The following LRIF1 variants were observed in gnomAD, a reference collection of about 807,000 sequenced individuals.
LRIF1 encodes ligand dependent nuclear receptor interacting factor 1.
LRIF1 carries 32 observed loss-of-function variants against 52.7 expected under a neutral mutation model. The observed-to-expected ratio is 0.61, with a 90% CI of 0.46 to 0.82. The LOEUF (loss-of-function observed/expected upper bound fraction) is 0.82, where lower values mean the gene tolerates loss of function less well. LRIF1 is among the 40% of genes least tolerant of loss of function. LRIF1 has a pLI of 0.00. For synonymous variants in LRIF1, 323 were observed against 317.4 expected (o/e 1.02, Z -0.19); for missense variants, 887 against 892.0 (o/e 0.99, Z 0.07).
the LRIF1 span, among the ~76,000 whole-genome samples, chr1:110,888,480 C>T: frequency 2.0e-5 from 3 of 152,168 alleles, no homozygotes; most frequent in Non-Finnish European, 2.9e-5. Flanking sequence ...CTCATGGGTC[C>T]GTGCCCTTCA....
At chr1:110,909,913 CT>C in the LRIF1 span, among the ~76,000 whole-genome samples, 1 of 151,980 alleles carries the variant, frequency 6.6e-6, no homozygotes, top group Non-Finnish European at 1.5e-5. Flanking sequence ...ACAAAACAGA[CT>C]TTAAACCAAC....
At chr1:110,892,279 G>A in the LRIF1 span, 65 of 1,077,540 alleles carry the variant, frequency 6.0e-5, 1 homozygote, top group East Asian at 1.5e-3. Flanking sequence ...TCAAGGAAGT[G>A]AGAATATGAG....
At chr1:110,912,775 G>A in the LRIF1 span, among the ~76,000 whole-genome samples, 4 of 152,098 alleles carry the variant, frequency 2.6e-5, no homozygotes, top group Non-Finnish European at 1.5e-5. Flanking sequence ...TTGTAGATTA[G>A]TGCTATTTCT....
At chr1:110,881,614 G>A in the LRIF1 span, among the ~76,000 whole-genome samples, 1 of 152,126 alleles carries the variant, frequency 6.6e-6, no homozygotes, top group South Asian at 2.1e-4. Context: ...TTTCTCTTGG[G>A]TAAATACCTA....
chr1:110,951,860 G>A lies in LRIF1; in HGVS notation c.1024C>T (p.Pro342Ser), dbSNP rs1196528592. The change falls in exon 2 of 4, where the codon CCT becomes TCT. Residue 342 changes from proline to serine, a missense_variant. Pro to Ser is a moderately conservative substitution (Grantham distance 74). Transcript: ENST00000369763. The stretch of plus-strand genomic sequence containing the variant: ...ATATTTTTGGATCGCGTCCCACTAG[G>A]ATCGATGGTACTCAATGGTGGCATA... ...INMPPLSTIDPSGTRSKNMPI... is the reference protein window; with the variant it reads ...INMPPLSTIDSSGTRSKNMPI... The A allele has an allele frequency of 1.9e-6, 3 of 1,613,388 alleles. No individual in the cohort carries two copies. The highest frequency in any genetic ancestry group is 2.2e-5 in the East Asian group (1 of 44,884).
the LRIF1 span, among the ~76,000 whole-genome samples, chr1:110,883,551 T>C: frequency 2.0e-5 from 3 of 152,008 alleles, no homozygotes; most frequent in South Asian, 6.2e-4. Flanking sequence ...CTGAAAAGTC[T>C]GGCCTCACAG....
chr1:110,961,602 G>T (rs1658949091), intron 1 of LRIF1, among the ~76,000 whole-genome samples: 1 of 152,004 alleles, frequency 6.6e-6, no homozygotes, highest in Non-Finnish European at 1.5e-5. Context: ...ATACAATTCT[G>T]TATTATGCTA....
At chr1:110,917,236 A>G in the LRIF1 span, among the ~76,000 whole-genome samples, 11 of 152,324 alleles carry the variant, frequency 7.2e-5, no homozygotes, top group African/African-American at 2.6e-4. Context: ...GTGTGTCCTC[A>G]TAGATTCCAA....
At chr1:110,934,792 G>A in the LRIF1 span, among the ~76,000 whole-genome samples, 4,286 of 152,248 alleles carry the variant, frequency 0.028, 193 homozygotes, top group African/African-American at 0.097. Flanking sequence ...GGAAGGAGGC[G>A]GGCCTGGCTG....
In LRIF1 at chr1:110,963,909, T is replaced by A. The variant is rs1659075976; in HGVS notation, c.-221A>T. The A allele has an allele frequency of 1.2e-5, 5 of 425,282 alleles. No individual in the cohort carries two copies. The South Asian group carries it at 1.5e-4, about 13-fold the overall frequency. 26.3% of individuals were successfully genotyped at this position (425,282 alleles called of 1,614,324 possible). On this transcript the variant is annotated 5_prime_UTR_variant, in exon 1 of 4. Transcript: ENST00000369763. ...CACCGCGCAGAAACCGGAAGGCTCCTGGCGGTGGACTGCGCCCTCACAGCC... is the reference window on the plus strand; with the variant it reads ...CACCGCGCAGAAACCGGAAGGCTCCAGGCGGTGGACTGCGCCCTCACAGCC...
At chr1:110,892,297 C>T in the LRIF1 span, 4 of 1,387,212 alleles carry the variant, frequency 2.9e-6, no homozygotes, top group Non-Finnish European at 4.1e-6. Context: ...GAGGAGATAC[C>T]CAAGAACCAC....
chr1:110,952,192 T>C lies in LRIF1; in HGVS notation c.692A>G (p.Tyr231Cys), dbSNP rs1658509056. 2.5e-6 allele frequency: 4 copies of C among 1,614,240 alleles called. No individual in the cohort carries two copies. The South Asian group carries it at 4.4e-5, about 18-fold the overall frequency. ...VEASQMPTVI[Y>C]VSPVNTVKNV... is the part of the protein sequence containing the mutation. The stretch of plus-strand genomic sequence containing the variant: ...TTTCACTGTATTTACAGGAGATACA[T>C]AAATAACGGTTGGCATTTGGGAGGC... The change falls in exon 2 of 4, where the codon TAT becomes TGT. Residue 231 changes from tyrosine (Y) to cysteine (C), a missense_variant. Coordinates refer to ENST00000369763, the MANE Select transcript of LRIF1 (RefSeq NM_018372.4).
At chr1:110,892,455 C>T in the LRIF1 span, 20 of 1,614,052 alleles carry the variant, frequency 1.2e-5, no homozygotes, top group Admixed American at 5.0e-5. Context: ...TGTTTGTCAT[C>T]GTGGGCTCTA....
the LRIF1 span, among the ~76,000 whole-genome samples, chr1:110,910,843 C>T: frequency 6.6e-6 from 1 of 152,136 alleles, no homozygotes. Flanking sequence ...ATCTGGGACA[C>T]AGCTAAAGTA....
At chr1:110,913,869 T>C in the LRIF1 span, among the ~76,000 whole-genome samples, 1 of 152,046 alleles carries the variant, frequency 6.6e-6, no homozygotes. Context: ...CTATTCACAA[T>C]AGCAAAGACA....
chr1:110,879,859 T>C, the LRIF1 span, among the ~76,000 whole-genome samples: 1 of 152,190 alleles, frequency 6.6e-6, no homozygotes, highest in East Asian at 1.9e-4. Context: ...TGAGCCACCA[T>C]GGCGAGCCTG....
chr1:110,914,223 GA>G, the LRIF1 span, among the ~76,000 whole-genome samples: 1 of 152,170 alleles, frequency 6.6e-6, no homozygotes, highest in South Asian at 2.1e-4. Flanking sequence ...CTCCCTGGGT[GA>G]CAAAATTGTT....
At chr1:110,887,162 C>T in the LRIF1 span, among the ~76,000 whole-genome samples, 1 of 152,164 alleles carries the variant, frequency 6.6e-6, no homozygotes, top group Admixed American at 6.5e-5. Context: ...CTCCCGGGTT[C>T]ACGCCATTCT....
intron 1 of LRIF1, among the ~76,000 whole-genome samples, chr1:110,954,194 T>C (rs927373188): frequency 1.3e-5 from 2 of 152,234 alleles, no homozygotes; most frequent in Admixed American, 6.5e-5. Context: ...TTTACCTTTC[T>C]GCAGCCCGAA....
Sources: gnomAD v4.1 joint callset for allele counts (sites outside exome capture counted in the v4.1 genomes callset) on GRCh38, gnomAD v4.1.1 for gene constraint, MANE v1.5 for transcripts, NCBI Gene and HGNC (gene_info 2026-07-23, HGNC 2026-07-21) for gene names.